ROCK1: variants seen among roughly 807,000 people sequenced by gnomAD.
ROCK1 encodes Rho associated coiled-coil containing protein kinase 1, also known as rho-associated protein kinase 1.
Under a neutral mutation model 196.8 loss-of-function variants are expected in ROCK1, and 36 were observed. The ratio of observed to expected loss-of-function variants is 0.18; its 90% CI spans 0.14 to 0.24. The LOEUF is 0.24. Among genes scored for constraint, ROCK1 ranks in the 10% least tolerant of loss-of-function variants. The probability of loss-of-function intolerance (pLI) is 1.00; values close to 1 mark genes in which losing one functional copy is unlikely to be tolerated. For missense variants in ROCK1, 920 were observed against 1,562.0 expected (o/e 0.59, Z 6.93); for synonymous variants, 443 against 515.9 (o/e 0.86, Z 1.91).
At chr18:20,955,522 C>G (rs955999880) in intron 29 of ROCK1, 18 of 278,210 alleles carry the variant, frequency 6.5e-5, no homozygotes, top group Non-Finnish European at 1.2e-4. Context: ...CACAGCCACT[C>G]TGGAAAAAGA....
At chr18:21,028,004 G>A (rs528959485) in intron 10 of ROCK1, among the ~76,000 whole-genome samples, 74 of 145,304 alleles carry the variant, frequency 5.1e-4, no homozygotes, top group Non-Finnish European at 7.8e-4. Flanking sequence ...CTCGTGATCC[G>A]CCCGCCTCGG....
At chr18:20,956,619 G>A (rs2035244509) in intron 29 of ROCK1, among the ~76,000 whole-genome samples, 1 of 152,074 alleles carries the variant, frequency 6.6e-6, no homozygotes, top group South Asian at 2.1e-4. Context: ...TATGTGGGGG[G>A]AAAAAAGCCA....
intron 29 of ROCK1, among the ~76,000 whole-genome samples, chr18:20,959,464 G>A (rs1422917429): frequency 1.3e-5 from 2 of 150,986 alleles, no homozygotes; most frequent in African/African-American, 2.4e-5. Flanking sequence ...CACCTGCCTC[G>A]ACCTCCCAAA....
At position 20,984,518 on chromosome 18, in the gene ROCK1, C is replaced by G; in HGVS notation, c.2322G>C (p.Leu774=). The change falls in exon 20 of 33, where the codon CTG becomes CTC. Residue 774 remains leucine, a synonymous_variant. Transcript: ENST00000399799. ...RMEDEVKNLT[L]QLEQESNKRL... Reference sequence around the variant, plus strand: ...GCTTATTTGATTCCTGCTCCAGTTGCAGGGTTAGATTCTTAACCTATGAAT... The same window carrying G: ...GCTTATTTGATTCCTGCTCCAGTTGGAGGGTTAGATTCTTAACCTATGAAT... 6.2e-7 allele frequency: 1 copy of G among 1,611,492 alleles called. No homozygotes were observed. Among genetic ancestry groups the G allele is most frequent in the Non-Finnish European group, 8.5e-7 (1 of 1,179,446 alleles).
intron 1 of ROCK1, among the ~76,000 whole-genome samples, chr18:21,071,795 A>T (rs572610811): frequency 6.6e-6 from 1 of 152,248 alleles, no homozygotes; most frequent in Admixed American, 6.5e-5. Flanking sequence ...AAAGAAAAAA[A>T]TAGTATATTT....
chr18:21,025,753 T>A lies in ROCK1; in HGVS notation c.1212-2073A>T, dbSNP rs527273765. ...TCTTGTTTCAAAAATATATATATAT[T>A]TTGTTGGTTCTTTCTTTATGAACAG... On this transcript the variant is annotated intron_variant, in intron 10 of 32. Transcript: ENST00000399799. Among the ~76,000 whole-genome samples the A allele has an allele frequency of 3.9e-5, 6 of 152,200 alleles. No homozygotes were observed. The East Asian group carries it at 9.6e-4, about 24-fold the overall frequency.
intron 1 of ROCK1, among the ~76,000 whole-genome samples, chr18:21,080,109 G>A (rs1314528656): frequency 6.6e-6 from 1 of 152,086 alleles, no homozygotes. Context: ...TTCGACTCGA[G>A]ACGAAGACCC....
intron 16 of ROCK1, among the ~76,000 whole-genome samples, chr18:21,005,242 A>C (rs767046976): frequency 1.6e-4 from 24 of 152,200 alleles, no homozygotes; most frequent in Non-Finnish European, 2.9e-4. Context: ...AGTTATACTC[A>C]ATCTTCTGCC....
At position 21,039,581 on chromosome 18, in the gene ROCK1, G is replaced by C. The variant is rs149100168; in HGVS notation, c.960-18C>G. On this transcript the variant is annotated intron_variant, in intron 8 of 32. Coordinates refer to ENST00000399799, the MANE Select transcript of ROCK1 (RefSeq NM_005406.3). ...TCACTTCCCTGAATAATGACAGAAG[G>C]AGAAAAGTAATCAATCATTTAAGAT... The C allele has an allele frequency of 2.1e-4, 319 of 1,542,840 alleles. 4 individuals are homozygous for C. In the East Asian group the frequency reaches 7.1e-3, roughly 35 times the overall value.
Position 20,949,613 on chromosome 18 carries a change from T to A in ROCK1, c.*1771A>T, listed in dbSNP as rs2035163256. 6.6e-6 allele frequency: 1 copy of A among 152,230 alleles called. No homozygotes were observed. The highest frequency in any genetic ancestry group is 1.5e-5 in the Non-Finnish European group (1 of 68,040). 9.4% of individuals were successfully genotyped at this position (152,230 alleles called of 1,614,324 possible). A position where few individuals can be genotyped will look rare whatever the true frequency, so the allele number is the denominator to read the frequency against. ...TTGGAAAAGATAGTCAAAAGAAAGG[T>A]TGTCAGAGCCTCTGCTTCCCTGATG... On this transcript the variant is annotated 3_prime_UTR_variant, in exon 33 of 33. Coordinates refer to ENST00000399799, the MANE Select transcript of ROCK1 (RefSeq NM_005406.3).
intron 3 of ROCK1, among the ~76,000 whole-genome samples, chr18:21,049,575 T>G (rs1336999371): frequency 1.3e-5 from 2 of 152,222 alleles, no homozygotes; most frequent in African/African-American, 4.8e-5. Flanking sequence ...CTGACACTTC[T>G]TTTCTGCCAC....
At chr18:21,013,284 T>C (rs1160339530) in intron 13 of ROCK1, among the ~76,000 whole-genome samples, 1 of 152,330 alleles carries the variant, frequency 6.6e-6, no homozygotes, top group Admixed American at 6.5e-5. Flanking sequence ...GCTGCCTCTT[T>C]TCTGCCAGGT....
In ROCK1 at chr18:21,111,087, C is replaced by G; in HGVS notation, c.-177G>C. ...CTGAGGGGACCTCCGCTCTCCAGAC[C>G]CCGGGCCGGGGGCAACAGCGACCCA... On this transcript the variant is annotated 5_prime_UTR_variant, in exon 1 of 33. Transcript: ENST00000399799. This position sits in a 1 kb window ranked among gnomAD's most constrained non-coding sequence, Gnocchi z 4.2. The G allele has an allele frequency of 3.3e-6, 2 of 603,446 alleles. No individual in the cohort carries two copies. Among genetic ancestry groups the G allele is most frequent in the Non-Finnish European group, 5.9e-6 (2 of 341,362 alleles). The allele number at this position is 603,446 out of a possible 1,614,324, so 37.4% of individuals were successfully genotyped here. A position where few individuals can be genotyped will look rare whatever the true frequency, so the allele number is the denominator to read the frequency against.
intron 1 of ROCK1, among the ~76,000 whole-genome samples, chr18:21,095,398 T>A (rs2036604965): frequency 6.6e-6 from 1 of 152,112 alleles, no homozygotes; most frequent in South Asian, 2.1e-4. Context: ...CGAAGAGATA[T>A]CTGCACTCCC....
intron 8 of ROCK1, among the ~76,000 whole-genome samples, chr18:21,041,314 A>G (rs1048557310): frequency 6.6e-5 from 10 of 151,270 alleles, no homozygotes; most frequent in African/African-American, 2.4e-4. Flanking sequence ...GAAAAACCAT[A>G]CTTCAAGCTC....
At chr18:21,069,162 A>G (rs911066363) in intron 2 of ROCK1, among the ~76,000 whole-genome samples, 1 of 152,092 alleles carries the variant, frequency 6.6e-6, no homozygotes, top group Non-Finnish European at 1.5e-5. Flanking sequence ...AGATATTTTA[A>G]AATTGTGAAT....
At chr18:21,017,987 C>A (rs1238513355) in intron 12 of ROCK1, among the ~76,000 whole-genome samples, 64 of 145,262 alleles carry the variant, frequency 4.4e-4, no homozygotes, top group African/African-American at 1.2e-3. Context: ...AAAATAAAAA[C>A]AAAAAAAAAA....
At chr18:21,097,468 C>T (rs1288731995) in intron 1 of ROCK1, among the ~76,000 whole-genome samples, 5 of 152,166 alleles carry the variant, frequency 3.3e-5, no homozygotes, top group Admixed American at 6.5e-5. Context: ...AACCATGGCA[C>T]CACCTATAAA....
intron 32 of ROCK1, 53 bp from the exon 33 acceptor site, chr18:20,951,440 T>C: frequency 1.4e-6 from 2 of 1,469,760 alleles, no homozygotes; most frequent in Non-Finnish European, 1.9e-6. Context: ...AGTTTAAAAA[T>C]ACAAGAAACA....
Sources: allele counts gnomAD v4.1 joint callset (sites outside exome capture counted in the v4.1 genomes callset), GRCh38; gene constraint gnomAD v4.1.1; non-coding constraint Gnocchi (gnomAD v3.1); transcripts MANE v1.5; gene names NCBI Gene and HGNC (gene_info 2026-07-23, HGNC 2026-07-21).